CHCHD3: variants seen among roughly 807,000 people sequenced by gnomAD.
CHCHD3 encodes the protein coiled-coil-helix-coiled-coil-helix domain containing 3.
Under a neutral mutation model 38.2 loss-of-function variants are expected in CHCHD3, and 20 were observed. The ratio of observed to expected loss-of-function variants is 0.52; its 90% confidence interval spans 0.37 to 0.76. CHCHD3 has a LOEUF of 0.76. Among genes scored for constraint, CHCHD3 ranks in the 30% least tolerant of loss-of-function variants. The pLI is 0.00. For missense variants in CHCHD3, 245 were observed against 279.2 expected, an observed-to-expected ratio of 0.88 and a Z score of 0.87; for synonymous variants, 82 against 100.0, an observed-to-expected ratio of 0.82 and a Z score of 1.07.
intron 2 of CHCHD3, among the ~76,000 whole-genome samples, chr7:133,061,228 G>A (rs1208976943): frequency 6.6e-6 from 1 of 152,062 alleles, no homozygotes; most frequent in African/African-American, 2.4e-5. Context: ...GCTGCAGTGA[G>A]AATAGACCGG....
intron 6 of CHCHD3, among the ~76,000 whole-genome samples, chr7:132,835,303 T>C (rs777705029): frequency 3.9e-5 from 6 of 152,174 alleles, no homozygotes; most frequent in Non-Finnish European, 7.4e-5. Context: ...TTTCTATCAC[T>C]AGGAAATTCG....
rs144725283 is a variant in CHCHD3, at chr7:132,975,189, G to A, written c.349C>T (p.Arg117Cys). ...CTCACCAGGTGCTTTGCCTTAGCGC[G>A]TTCCTCCTCGCTACATATCCTCTCC... ...LRERICSEEE[R>C]AKAKHLARQL... Residue 117 changes from arginine (R) to cysteine (C), a missense_variant, in exon 4 of 8, where the codon CGC becomes TGC. Physicochemically the swap from Arg to Cys is radical, Grantham distance 180. Transcript: ENST00000262570. The A allele has an allele frequency of 3.2e-5, 52 of 1,611,944 alleles. No homozygotes were observed. The highest frequency in any genetic ancestry group is 8.0e-5 in the African/African-American group (6 of 74,824).
chr7:132,884,327 C>T (rs556096292), intron 5 of CHCHD3, among the ~76,000 whole-genome samples: 79 of 152,280 alleles, frequency 5.2e-4, no homozygotes, highest in Non-Finnish European at 4.6e-4. Flanking sequence ...ACTCTCTTTT[C>T]CCATTTTATT....
At chr7:132,887,630 AC>A (rs993726038) in intron 4 of CHCHD3, among the ~76,000 whole-genome samples, 23 of 94,420 alleles carry the variant, frequency 2.4e-4, no homozygotes, top group Non-Finnish European at 4.8e-4. Flanking sequence ...CCGAAAAACA[AC>A]AAAAGAAATA....
At chr7:132,935,399 AAAATAG>A (rs1217249377) in intron 4 of CHCHD3, among the ~76,000 whole-genome samples, 5 of 152,220 alleles carry the variant, frequency 3.3e-5, no homozygotes, top group African/African-American at 9.6e-5. Flanking sequence ...AAAATACAAT[AAAATAG>A]AAACTTTAAG....
chr7:132,971,826 A>G (rs1388859013), intron 4 of CHCHD3, among the ~76,000 whole-genome samples: 1 of 152,208 alleles, frequency 6.6e-6, no homozygotes, highest in African/African-American at 2.4e-5. Context: ...CCATTACTCA[A>G]AGAGTCCCAC....
intron 3 of CHCHD3, among the ~76,000 whole-genome samples, chr7:132,983,472 T>C (rs1489261912): frequency 6.6e-6 from 1 of 152,354 alleles, no homozygotes; most frequent in African/African-American, 2.4e-5. Context: ...TGTATTGCTA[T>C]AATTCAGTAG....
Position 132,885,646 on chromosome 7 carries a change from TA to T in CHCHD3, c.453+15del. Reference sequence around the variant, plus strand: ...GCAGATGTGGTAATAGAATCAATGATAAAAAATAGTCATACCCTCTCCTCCA... The same window carrying T: ...GCAGATGTGGTAATAGAATCAATGATAAAAATAGTCATACCCTCTCCTCCA... On this transcript the variant is annotated intron_variant, in intron 5 of 7. Coordinates refer to ENST00000262570, the MANE Select transcript of CHCHD3 (RefSeq NM_017812.4). 6.4e-7 allele frequency: 1 copy of T among 1,572,922 alleles called. No homozygotes were observed. Among genetic ancestry groups the T allele is most frequent in the Non-Finnish European group, 8.6e-7 (1 of 1,159,054 alleles).
intron 3 of CHCHD3, among the ~76,000 whole-genome samples, chr7:133,024,309 T>C (rs1471345296): frequency 6.6e-6 from 1 of 152,198 alleles, no homozygotes; most frequent in Non-Finnish European, 1.5e-5. Context: ...CGGCTCAATA[T>C]TCAAGCAACC....
intron 3 of CHCHD3, among the ~76,000 whole-genome samples, chr7:132,988,988 T>TA (rs751653326): frequency 6.6e-6 from 1 of 152,164 alleles, no homozygotes; most frequent in Non-Finnish European, 1.5e-5. Flanking sequence ...ATATACAGTA[T>TA]AACAACTATT....
At chr7:132,900,384 G>A (rs1809636552) in intron 4 of CHCHD3, among the ~76,000 whole-genome samples, 1 of 152,140 alleles carries the variant, frequency 6.6e-6, no homozygotes, top group Non-Finnish European at 1.5e-5. Context: ...TACTCCACAA[G>A]AAAGCCTGAG....
In CHCHD3 at chr7:132,968,515, CT is replaced by C. The variant is rs371508323; in HGVS notation, c.369+6653del. On this transcript the variant is annotated intron_variant, in intron 4 of 7. Transcript: ENST00000262570. The stretch of plus-strand genomic sequence containing the variant: ...TTTTGGAATTCAAAGCAAACTAATA[CT>C]CTACACATATCCAAATAATTGGAGG... 3.3e-5 allele frequency among the ~76,000 whole-genome samples: 5 copies of C among 152,290 alleles called. No individual in the cohort carries two copies. In the East Asian group the frequency reaches 9.6e-4, roughly 29 times the overall value.
At chr7:132,880,702 G>C (rs1321802005) in intron 5 of CHCHD3, among the ~76,000 whole-genome samples, 1 of 151,996 alleles carries the variant, frequency 6.6e-6, no homozygotes, top group Non-Finnish European at 1.5e-5. Flanking sequence ...GAGTGTACAA[G>C]ATAAACACAC....
intron 4 of CHCHD3, among the ~76,000 whole-genome samples, chr7:132,923,564 G>T (rs1029138123): frequency 1.3e-5 from 2 of 152,126 alleles, no homozygotes; most frequent in Admixed American, 1.3e-4. Flanking sequence ...AGCAACAGGG[G>T]TATCAGTTTA....
chr7:132,952,252 T>C (rs1462989520), intron 4 of CHCHD3, among the ~76,000 whole-genome samples: 6 of 152,208 alleles, frequency 3.9e-5, no homozygotes, highest in Admixed American at 3.9e-4. Context: ...GAATGGTGTA[T>C]TTTAAAAATA....
chr7:132,956,135 A>G (rs1811159268), intron 4 of CHCHD3, among the ~76,000 whole-genome samples: 1 of 152,218 alleles, frequency 6.6e-6, no homozygotes, highest in Non-Finnish European at 1.5e-5. Context: ...CTACCTCCAG[A>G]TTGCATTCAG....
At chr7:133,006,968 T>C (rs1283175508) in intron 3 of CHCHD3, among the ~76,000 whole-genome samples, 1 of 152,194 alleles carries the variant, frequency 6.6e-6, no homozygotes, top group East Asian at 1.9e-4. Flanking sequence ...TTATTTTTTT[T>C]CTCCTGTGTG....
chr7:133,062,708 T>C (rs1279313906), intron 2 of CHCHD3, among the ~76,000 whole-genome samples: 1 of 152,190 alleles, frequency 6.6e-6, no homozygotes, highest in Non-Finnish European at 1.5e-5. Context: ...TCCTGAGTAC[T>C]GTGACTCCAC....
intron 2 of CHCHD3, chr7:133,034,848 G>A: frequency 6.2e-7 from 1 of 1,610,484 alleles, no homozygotes; most frequent in Non-Finnish European, 8.5e-7. Flanking sequence ...GATGACACTG[G>A]CGAAGGCATT....
Sources: allele counts gnomAD v4.1 joint callset (sites outside exome capture counted in the v4.1 genomes callset), GRCh38; gene constraint gnomAD v4.1.1; transcripts MANE v1.5; gene names NCBI Gene and HGNC (gene_info 2026-07-23, HGNC 2026-07-21).